Variants in MYH2 observed in about 807,000 individuals in gnomAD.
The protein encoded by MYH2 is myosin heavy chain 2.
MYH2 carries 139 observed loss-of-function variants against 228.1 expected under a neutral mutation model. The observed-to-expected ratio is 0.61, with a 90% CI of 0.53 to 0.70. The LOEUF (loss-of-function observed/expected upper bound fraction) is 0.70, where lower values mean the gene tolerates loss of function less well. MYH2 is among the 30% of genes least tolerant of loss of function. The pLI, the probability that MYH2 is intolerant of heterozygous loss-of-function variation, is 0.00. For synonymous variants in MYH2, 796 were observed against 871.1 expected (o/e 0.91, Z 1.52); for missense variants, 1,809 against 2,357.5 (o/e 0.77, Z 4.82).
chr17:10,537,378 G>A lies in MYH2; in HGVS notation c.1752C>T (p.His584=). The A allele has an allele frequency of 6.2e-7, 1 of 1,614,170 alleles. No individual in the cohort carries two copies. The highest frequency in any genetic ancestry group is 8.5e-7 in the Non-Finnish European group (1 of 1,180,018). The change falls in exon 16 of 40, where the codon CAC becomes CAT. Residue 584 remains histidine (H), a synonymous_variant. Transcript: ENST00000245503. This position sits in a 1 kb window ranked among gnomAD's most constrained non-coding sequence, Gnocchi z 4.0. ...GKAEAHFALI[H]YAGVVDYNIT... is the part of the protein sequence containing the mutation. ...TGTTGTAGTCCACAACACCAGCATAGTGAATCAGAGCGAAGTGGGCCTCGG... is the reference window on the plus strand; with the variant it reads ...TGTTGTAGTCCACAACACCAGCATAATGAATCAGAGCGAAGTGGGCCTCGG...
intron 4 of MYH2, among the ~76,000 whole-genome samples, chr17:10,546,256 G>GATATATATATATATAT (rs71139049): frequency 0.018 from 1,167 of 65,958 alleles, 136 homozygotes; most frequent in African/African-American, 0.021. Flanking sequence ...GACACGAAAT[G>GATATATATATATATAT]ATATATATAT....
At position 10,539,474 on chromosome 17, in the gene MYH2, C is replaced by T. The variant is rs772987945; in HGVS notation, c.1236G>A (p.Glu412=). Residue 412 remains glutamate, a synonymous_variant, in exon 13 of 40, where the codon GAG becomes GAA. Transcript: ENST00000245503. The stretch of plus-strand genomic sequence containing the variant: ...CTACAGTCTGGCCTTTGGTGACATA[C>T]TCATTGCCGACCTTGACCCTGGGGT... ...LCYPRVKVGN[E]YVTKGQTVEQ... The T allele has an allele frequency of 1.9e-6, 3 of 1,614,198 alleles. No homozygotes were observed. Among genetic ancestry groups the T allele is most frequent in the Non-Finnish European group, 2.5e-6 (3 of 1,180,040 alleles).
Position 10,525,496 on chromosome 17 carries a change from A to C in MYH2, c.4492T>G (p.Leu1498Val). 1 of 1,614,208 alleles carries C rather than the reference A, an allele frequency of 6.2e-7. No individual in the cohort carries two copies. Among genetic ancestry groups the C allele is most frequent in the Non-Finnish European group, 8.5e-7 (1 of 1,180,044 alleles). ...CGCTTCAGGGTTTCTAGCTGATCCAAAGATTCCTCATAGGCATTCTTTATC... is the reference window on the plus strand; with the variant it reads ...CGCTTCAGGGTTTCTAGCTGATCCACAGATTCCTCATAGGCATTCTTTATC... Reference protein sequence around the residue: ...FKIKNAYEESLDQLETLKREN... With the variant: ...FKIKNAYEESVDQLETLKREN... Residue 1498 changes from leucine to valine, a missense_variant, in exon 32 of 40, where the codon TTG (leucine) becomes GTG (valine). Coordinates refer to ENST00000245503, the MANE Select transcript of MYH2 (RefSeq NM_017534.6). This position sits in a 1 kb window ranked among gnomAD's most constrained non-coding sequence, Gnocchi z 4.2.
Position 10,540,176 on chromosome 17 carries a change from C to T in MYH2, c.1009-110G>A, listed in dbSNP as rs2073533450. 9 of 1,444,154 alleles carry T rather than the reference C, an allele frequency of 6.2e-6. No homozygotes were observed. The South Asian group carries it at 1.0e-4, about 17-fold the overall frequency. The allele number at this position is 1,444,154 out of a possible 1,614,324, so 89.5% of individuals were successfully genotyped here. ...GGAAACTACCAGTGCTAATGGGAGA[C>T]AAGGAACCCCTTAGATTGGGTATAT... is the stretch of plus-strand genomic sequence containing the variant. On this transcript the variant is annotated intron_variant, in intron 11 of 39. Transcript: ENST00000245503.
chr17:10,536,463 A>G (rs1597454086), intron 17 of MYH2, 67 bp downstream of exon 17: 1 of 1,342,158 alleles, frequency 7.5e-7, no homozygotes, highest in East Asian at 2.4e-5. Context: ...AGAAGTTCAG[A>G]AAAACAGACC....
At chr17:10,536,812 T>G (rs1025435888) in intron 16 of MYH2, among the ~76,000 whole-genome samples, 2 of 152,220 alleles carry the variant, frequency 1.3e-5, no homozygotes, top group African/African-American at 4.8e-5. Flanking sequence ...GCCAGGGATA[T>G]TCACCTGACC....
chr17:10,527,660 T>C, intron 28 of MYH2, 88 bp downstream of exon 28: 2 of 1,597,790 alleles, frequency 1.3e-6, no homozygotes, highest in South Asian at 2.2e-5. Context: ...CTCAGCTGTT[T>C]TATTAGGCTC....
Position 10,527,812 on chromosome 17 carries a change from T to C in MYH2, c.3807A>G (p.Glu1269=), listed in dbSNP as rs1473700883. The change falls in exon 28 of 40, where the codon GAA becomes GAG. Residue 1269 remains glutamate (E), a synonymous_variant. Transcript: ENST00000245503. The part of the protein sequence containing the change: ...EDQLSELKSK[E]EEQQRLINDL... Reference sequence around the variant, plus strand: ...CATTGATCAGCCGCTGCTGCTCCTCTTCCTTTGATTTCAGTTCACTCAGTT... The same window carrying C: ...CATTGATCAGCCGCTGCTGCTCCTCCTCCTTTGATTTCAGTTCACTCAGTT... 1 of 1,614,110 alleles carries C rather than the reference T, an allele frequency of 6.2e-7. No individual in the cohort carries two copies. The highest frequency in any genetic ancestry group is 1.1e-5 in the South Asian group (1 of 91,088).
chr17:10,543,238 T>C (rs905993160), intron 8 of MYH2, 77 bp from the exon 9 acceptor site: 7 of 1,106,674 alleles, frequency 6.3e-6, no homozygotes, highest in Non-Finnish European at 9.4e-6. Context: ...CATTTGATGC[T>C]GGTACTTTAA....
chr17:10,526,578 C>A, intron 30 of MYH2, 21 bp downstream of exon 30: 1 of 1,613,924 alleles, frequency 6.2e-7, no homozygotes. Flanking sequence ...TCTGCTCATT[C>A]TCTCATATCT....
chr17:10,540,160 C>T, intron 11 of MYH2, 94 bp from the exon 12 acceptor site: 1 of 1,548,350 alleles, frequency 6.5e-7, no homozygotes, highest in African/African-American at 1.4e-5. Context: ...AGGAAACTAC[C>T]AGTGCTAATG....
intron 4 of MYH2, 127 bp from the exon 5 acceptor site, chr17:10,545,629 A>G (rs1306708979): frequency 7.8e-7 from 1 of 1,280,324 alleles, no homozygotes; most frequent in African/African-American, 1.5e-5. Context: ...CAGTGGTGCT[A>G]CCTCAGCTCA....
In MYH2 at chr17:10,547,847, A is replaced by G. The variant is rs372837852; in HGVS notation, c.74T>C (p.Ile25Thr). The stretch of plus-strand genomic sequence containing the variant: ...ATCAAAGGGCCTATTCTGGGCCTCA[A>G]TGCGCTCCCTTTCAGACTTTCGGAG... The part of the protein sequence containing the change: ...PFLRKSERER[I>T]EAQNRPFDAK... The change falls in exon 3 of 40, where the codon ATT becomes ACT. Residue 25 changes from isoleucine to threonine, a missense_variant. Physicochemically the swap from Ile to Thr is moderately conservative, Grantham distance 89 (BLOSUM62 -1). Coordinates refer to ENST00000245503, the MANE Select transcript of MYH2 (RefSeq NM_017534.6). The G allele has an allele frequency of 1.4e-5, 23 of 1,614,062 alleles. No homozygotes were observed. The highest frequency in any genetic ancestry group is 1.3e-4 in the African/African-American group (10 of 74,916).
chr17:10,537,132 C>T lies in MYH2; in HGVS notation c.1897+101G>A. The T allele has an allele frequency of 6.7e-7, 1 of 1,482,226 alleles. No homozygotes were observed. The highest frequency in any genetic ancestry group is 9.4e-7 in the Non-Finnish European group (1 of 1,067,938). 91.8% of individuals were successfully genotyped at this position (1,482,226 alleles called of 1,614,324 possible). A position where few individuals can be genotyped will look rare whatever the true frequency, so the allele number is the denominator to read the frequency against. ...ATTCAATACTTGGAGGAACCAGGGG[C>T]TTGGTCTGCAACCCTTCTGCCAGAC... is the stretch of plus-strand genomic sequence containing the variant. On this transcript the variant is annotated intron_variant, in intron 16 of 39. Coordinates refer to ENST00000245503, the MANE Select transcript of MYH2 (RefSeq NM_017534.6). The surrounding 1 kb of genome is among the most constrained non-coding windows in gnomAD (Gnocchi z 4.0).
chr17:10,531,607 A>G, intron 22 of MYH2, 26 bp downstream of exon 22: 2 of 1,614,166 alleles, frequency 1.2e-6, no homozygotes. Flanking sequence ...CTGGTTAGTG[A>G]TACCAAGGGT....
rs201489001 is a variant in MYH2, at chr17:10,527,814, C to G, written c.3805G>C (p.Glu1269Gln). ...TTGATCAGCCGCTGCTGCTCCTCTT[C>G]CTTTGATTTCAGTTCACTCAGTTGG... ...EDQLSELKSK[E>Q]EEQQRLINDL... The change falls in exon 28 of 40, where the codon GAA becomes CAA. Residue 1269 changes from glutamate (E) to glutamine (Q), a missense_variant. Physicochemically the swap from Glu to Gln is conservative, Grantham distance 29 (BLOSUM62 2). Around this residue, in one of 9 missense-constraint regions of MYH2, gnomAD observed 636 missense variants for 729.9 expected, o/e 0.87. Transcript: ENST00000245503. 3.0e-5 allele frequency: 48 copies of G among 1,614,082 alleles called. No individual in the cohort carries two copies. Among genetic ancestry groups the G allele is most frequent in the Admixed American group, 1.8e-4 (11 of 60,012 alleles).
intron 35 of MYH2, 94 bp from the exon 36 acceptor site, chr17:10,523,978 AGTC>A: frequency 7.5e-7 from 1 of 1,328,006 alleles, no homozygotes; most frequent in Admixed American, 2.3e-5. Flanking sequence ...AAAATTTGCA[AGTC>A]AAAAAATGCC....
chr17:10,547,391 G>A (rs200780653), intron 4 of MYH2, 84 bp downstream of exon 4: 5 of 1,553,344 alleles, frequency 3.2e-6, no homozygotes, highest in Non-Finnish European at 4.4e-6. Flanking sequence ...GTCACTACCT[G>A]TGACCTATTT....
chr17:10,524,702 T>A lies in MYH2; in HGVS notation c.4972-33A>T. On this transcript the variant is annotated intron_variant, in intron 34 of 39. Transcript: ENST00000245503. This position sits in a 1 kb window ranked among gnomAD's most constrained non-coding sequence, Gnocchi z 4.7. ...ACAAACCATCATTGAGACATCATGT[T>A]CTCAGGGTTGCAGGCACCCCAATAG... 3.7e-6 allele frequency: 6 copies of A among 1,614,234 alleles called. No individual in the cohort carries two copies. The South Asian group carries it at 6.6e-5, about 18-fold the overall frequency.
Sources: gnomAD v4.1 joint callset for allele counts (sites outside exome capture counted in the v4.1 genomes callset) on GRCh38, gnomAD v4.1.1 for gene constraint, gnomAD v4.1.1 regional missense constraint, Gnocchi (gnomAD v3.1) non-coding constraint, MANE v1.5 for transcripts, NCBI Gene and HGNC (gene_info 2026-07-23, HGNC 2026-07-21) for gene names.